Variants in VPS4B observed in about 807,000 individuals in gnomAD.
VPS4B encodes vacuolar protein sorting-associated protein 4B.
VPS4B carries 23 observed loss-of-function variants against 56.1 expected under a neutral mutation model. The observed-to-expected ratio is 0.41, with a 90% CI of 0.30 to 0.58. The LOEUF (loss-of-function observed/expected upper bound fraction) is 0.58. VPS4B is among the 20% of genes least tolerant of loss of function. VPS4B has a pLI of 0.29. For synonymous variants in VPS4B, 177 were observed against 186.0 expected, an observed-to-expected ratio of 0.95 and a Z score of 0.39; for missense variants, 372 against 531.9, an observed-to-expected ratio of 0.70 and a Z score of 2.96.
intron 4 of VPS4B, 40 bp downstream of exon 4, chr18:63,407,392 T>A: frequency 6.7e-7 from 1 of 1,499,572 alleles, no homozygotes; most frequent in Non-Finnish European, 9.1e-7. Context: ...TTGAGTCTTT[T>A]TAATAGGATA....
chr18:63,393,396 C>G lies in VPS4B; in HGVS notation c.1233+13G>C. The G allele has an allele frequency of 6.4e-7, 1 of 1,570,476 alleles. No individual in the cohort carries two copies. On this transcript the variant is annotated intron_variant, in intron 10 of 10. Coordinates refer to ENST00000238497, the MANE Select transcript of VPS4B (RefSeq NM_004869.4). ...TTTAAAATATTTTCTTAAAAACAAACAAAATTTCAAACCATGGAAACAACT... is the reference window on the plus strand; with the variant it reads ...TTTAAAATATTTTCTTAAAAACAAAGAAAATTTCAAACCATGGAAACAACT...
intron 1 of VPS4B, among the ~76,000 whole-genome samples, chr18:63,417,970 G>A (rs1341928452): frequency 3.3e-5 from 5 of 152,186 alleles, no homozygotes; most frequent in Admixed American, 2.0e-4. Context: ...AGGTGTCCCA[G>A]GCCCTGTCTG....
In VPS4B at chr18:63,414,971, A is replaced by G. The variant is rs370959290; in HGVS notation, c.28-3393T>C. Among the ~76,000 whole-genome samples the G allele has an allele frequency of 2.2e-4, 34 of 152,330 alleles. No homozygotes were observed. In the South Asian group the frequency reaches 6.6e-3, roughly 30 times the overall value. ...TCCCTGATGATGAGAATGTCTGTAT[A>G]TGGCTTCTGAGCACTTGAAATGTGG... is the stretch of plus-strand genomic sequence containing the variant. On this transcript the variant is annotated intron_variant, in intron 1 of 10. Transcript: ENST00000238497.
At chr18:63,400,480 T>A in intron 6 of VPS4B, 67 bp downstream of exon 6, 1 of 1,463,192 alleles carries the variant, frequency 6.8e-7, no homozygotes, top group Non-Finnish European at 9.2e-7. Flanking sequence ...ATGTAAGAAA[T>A]CTATTAAGGA....
At position 63,411,547 on chromosome 18, in the gene VPS4B, T is replaced by C; in HGVS notation, c.59A>G (p.Gln20Arg). The change falls in exon 2 of 11, where the codon CAA becomes CGA. Residue 20 changes from glutamine to arginine, a missense_variant. By Grantham distance (43) the Gln-to-Arg change is conservative. This residue lies in a region of VPS4B where 153 missense variants were observed against 190.3 expected (regional missense o/e 0.80). Transcript: ENST00000238497. The part of the protein sequence containing the change: ...KAIDLASKAA[Q>R]EDKAGNYEEA... ...TTCGTAGTTCCCAGCCTTGTCTTCT[T>C]GCGCTGCTTTGCTAGCCAGATCTAT... 7 of 1,601,754 alleles carry C rather than the reference T, an allele frequency of 4.4e-6. No homozygotes were observed. The highest frequency in any genetic ancestry group is 6.0e-6 in the Non-Finnish European group (7 of 1,173,508).
At chr18:63,400,253 G>T (rs1915780399) in intron 6 of VPS4B, 57 bp from the exon 7 acceptor site, 1 of 1,491,404 alleles carries the variant, frequency 6.7e-7, no homozygotes, top group African/African-American at 1.4e-5. Context: ...TTAAAACAAA[G>T]TAATATATCA....
intron 9 of VPS4B, among the ~76,000 whole-genome samples, chr18:63,395,365 G>A (rs528607459): frequency 6.6e-6 from 1 of 152,300 alleles, no homozygotes; most frequent in East Asian, 1.9e-4. Context: ...CATTCCCTAC[G>A]CATCTGAAGT....
chr18:63,416,689 A>G (rs749882919), intron 1 of VPS4B, among the ~76,000 whole-genome samples: 19 of 152,126 alleles, frequency 1.2e-4, no homozygotes, highest in Non-Finnish European at 2.1e-4. Flanking sequence ...CTGATCTACA[A>G]GGTCTGAAAT....
intron 4 of VPS4B, among the ~76,000 whole-genome samples, chr18:63,404,902 G>T (rs1211042307): frequency 6.6e-6 from 1 of 151,936 alleles, no homozygotes; most frequent in Non-Finnish European, 1.5e-5. Flanking sequence ...TAAGCATTTT[G>T]TATTCCAAAA....
Position 63,411,509 on chromosome 18 carries a change from G to A in VPS4B, c.97C>T (p.Leu33Phe). The change falls in exon 2 of 11, where the codon CTC becomes TTC. Residue 33 changes from leucine to phenylalanine, a missense_variant. This residue lies in a region of VPS4B where 153 missense variants were observed against 190.3 expected (regional missense o/e 0.80). Transcript: ENST00000238497. ...KAGNYEEALQ[L>F]YQHAVQYFLH... ...AAATACTGCACAGCATGCTGATAGA[G>A]CTGAAGGGCTTCTTCGTAGTTCCCA... The A allele has an allele frequency of 6.2e-7, 1 of 1,604,370 alleles. No homozygotes were observed. Among genetic ancestry groups the A allele is most frequent in the East Asian group, 2.2e-5 (1 of 44,696 alleles).
chr18:63,399,564 T>C (rs1382961388), intron 7 of VPS4B, among the ~76,000 whole-genome samples: 1 of 152,256 alleles, frequency 6.6e-6, no homozygotes, highest in Non-Finnish European at 1.5e-5. Flanking sequence ...GAAAATACTA[T>C]TAACATTCGT....
At position 63,411,487 on chromosome 18, in the gene VPS4B, T is replaced by C. The variant is rs1344431459; in HGVS notation, c.119A>G (p.Tyr40Cys). 6 of 1,581,378 alleles carry C rather than the reference T, an allele frequency of 3.8e-6. No homozygotes were observed. In the South Asian group the frequency reaches 7.1e-5, roughly 19 times the overall value. The change falls in exon 2 of 11, where the codon TAT (tyrosine) becomes TGT (cysteine). Residue 40 changes from tyrosine (Y) to cysteine (C), a missense_variant. Physicochemically the swap from Tyr to Cys is radical, Grantham distance 194. Transcript: ENST00000238497. ...CTCACATTTAACGACATGAAGAAAATACTGCACAGCATGCTGATAGAGCTG... is the reference window on the plus strand; with the variant it reads ...CTCACATTTAACGACATGAAGAAAACACTGCACAGCATGCTGATAGAGCTG... ...ALQLYQHAVQ[Y>C]FLHVVKYEAQ... is the part of the protein sequence containing the mutation.
chr18:63,408,268 A>G (rs1030893431), intron 3 of VPS4B, among the ~76,000 whole-genome samples: 5 of 149,658 alleles, frequency 3.3e-5, no homozygotes, highest in African/African-American at 1.2e-4. Context: ...ATAAGGCATT[A>G]TATCATTTTT....
At chr18:63,422,137 C>A in intron 1 of VPS4B, 96 bp downstream of exon 1, 2 of 1,322,666 alleles carry the variant, frequency 1.5e-6, no homozygotes, top group Non-Finnish European at 9.9e-7. Context: ...CGACCACAGG[C>A]GCGGCCGCTT....
intron 3 of VPS4B, 45 bp downstream of exon 3, chr18:63,410,245 G>A (rs373589142): frequency 1.1e-5 from 18 of 1,599,390 alleles, no homozygotes; most frequent in South Asian, 4.5e-5. Flanking sequence ...TTCACAAATC[G>A]AAAGCAAAAA....
At position 63,410,308 on chromosome 18, in the gene VPS4B, C is replaced by T. The variant is rs747569589; in HGVS notation, c.278G>A (p.Ser93Asn). ...AQKPVKEGQPSPADEKGNDSD... is the reference protein window; with the variant it reads ...AQKPVKEGQPNPADEKGNDSD... ...CACGTACCCCTTCTCATCTGCTGGA[C>T]TCGGCTGTCCTTCTTTCACTGGCTT... Residue 93 changes from serine to asparagine, a missense_variant, in exon 3 of 11, where the codon AGT becomes AAT. Ser to Asn is a conservative substitution (Grantham distance 46). Transcript: ENST00000238497. 1.2e-5 allele frequency: 20 copies of T among 1,613,982 alleles called. No individual in the cohort carries two copies. Among genetic ancestry groups the T allele is most frequent in the Non-Finnish European group, 1.7e-5 (20 of 1,180,014 alleles).
chr18:63,416,772 T>A (rs1916175849), intron 1 of VPS4B, among the ~76,000 whole-genome samples: 1 of 152,208 alleles, frequency 6.6e-6, no homozygotes. Flanking sequence ...CCCAAGCAGT[T>A]GAACCCTTCC....
intron 4 of VPS4B, among the ~76,000 whole-genome samples, chr18:63,405,827 A>AC (rs200665448): frequency 0.011 from 1,615 of 149,234 alleles, 28 homozygotes; most frequent in African/African-American, 0.038. Context: ...AAACAAACAA[A>AC]AAAAAAAACT....
Position 63,411,589 on chromosome 18 carries a change from G to A in VPS4B, c.28-11C>T. The A allele has an allele frequency of 1.3e-6, 2 of 1,533,298 alleles. No individual in the cohort carries two copies. The highest frequency in any genetic ancestry group is 2.3e-5 in the East Asian group (1 of 43,350). The allele number at this position is 1,533,298 out of a possible 1,614,324, so 95.0% of individuals were successfully genotyped here. ...CAGATCTATCGCTTTCTGTTTGAGG[G>A]AGGCAAAATAACAACATTTAAATCA... On this transcript the variant is annotated splice_polypyrimidine_tract_variant and intron_variant, in intron 1 of 10. Transcript: ENST00000238497.
Sources: gnomAD v4.1 joint callset for allele counts (sites outside exome capture counted in the v4.1 genomes callset) on GRCh38, gnomAD v4.1.1 for gene constraint, gnomAD v4.1.1 regional missense constraint, MANE v1.5 for transcripts, NCBI Gene and HGNC (gene_info 2026-07-23, HGNC 2026-07-21) for gene names.